The following C5orf63 variants were observed in gnomAD, a reference collection of about 807,000 sequenced individuals.
The protein encoded by C5orf63 is glutaredoxin-like protein C5orf63.
Under a neutral mutation model 13.3 loss-of-function variants are expected in C5orf63, and 18 were observed. The observed-to-expected ratio is 1.36, with a 90% CI of 0.94 to 2.01. The LOEUF is 2.01. C5orf63 is among the 30% of genes most tolerant of loss of function. The pLI is 0.00. For synonymous variants in C5orf63, 38 were observed against 44.7 expected (o/e 0.85, Z 0.60); for missense variants, 118 against 127.7 (o/e 0.92, Z 0.36).
chr5:127,060,703 T>C (rs1754070040), intron 2 of C5orf63, among the ~76,000 whole-genome samples: 1 of 152,246 alleles, frequency 6.6e-6, no homozygotes, highest in African/African-American at 2.4e-5. Flanking sequence ...ATATCATTTC[T>C]TCCTCGTTTT....
intron 2 of C5orf63, among the ~76,000 whole-genome samples, chr5:127,066,906 T>C (rs1754353914): frequency 6.6e-6 from 1 of 152,156 alleles, no homozygotes; most frequent in Admixed American, 6.5e-5. Flanking sequence ...AAGTGTGTCA[T>C]CACAGAAGTC....
chr5:127,043,667 CAT>C (rs1753455887), downstream of C5orf63: 1 of 152,188 alleles, frequency 6.6e-6, no homozygotes. Flanking sequence ...AATCCTAAAA[CAT>C]AGCTCTTCTG....
chr5:127,055,651 T>C (rs956248479), intron 3 of C5orf63, among the ~76,000 whole-genome samples: 7 of 152,176 alleles, frequency 4.6e-5, no homozygotes, highest in Admixed American at 3.9e-4. Flanking sequence ...ACATAGATTA[T>C]GGATAGTTTG....
At chr5:127,061,192 C>T (rs1370426401) in intron 2 of C5orf63, among the ~76,000 whole-genome samples, 1 of 152,158 alleles carries the variant, frequency 6.6e-6, no homozygotes. Context: ...TCCTTCACCA[C>T]CACCTCAAAT....
chr5:127,045,226 C>T (rs188232016), downstream of C5orf63: 1 of 152,288 alleles, frequency 6.6e-6, no homozygotes, highest in African/African-American at 2.4e-5. Flanking sequence ...CTTAAAACAA[C>T]ACAAATTTAT....
downstream of C5orf63, chr5:127,047,608 G>T: frequency 1.5e-6 from 1 of 656,680 alleles, no homozygotes; most frequent in Non-Finnish European, 2.8e-6. Flanking sequence ...CTAAATATGG[G>T]ATACCTTCAG....
downstream of C5orf63, among the ~76,000 whole-genome samples, chr5:127,050,237 C>T (rs1288009126): frequency 1.3e-5 from 2 of 152,134 alleles, no homozygotes; most frequent in Non-Finnish European, 2.9e-5. Context: ...CTGGGGTTAT[C>T]CTAGAATTCT....
At chr5:127,072,008 C>G (rs1385074625) in intron 1 of C5orf63, 1 of 152,210 alleles carries the variant, frequency 6.6e-6, no homozygotes, top group Non-Finnish European at 1.5e-5. Context: ...TGCCAACAGT[C>G]CATCTAAATA....
In C5orf63 at chr5:127,055,268, T is replaced by C. The variant is rs1561489203; in HGVS notation, c.115-2599A>G. Among the ~76,000 whole-genome samples the C allele has an allele frequency of 1.3e-5, 2 of 152,258 alleles. 1 individual carries two copies. Among genetic ancestry groups the C allele is most frequent in the Admixed American group, 1.3e-4 (2 of 15,292 alleles). On this transcript the variant is annotated intron_variant, in intron 3 of 4. Transcript: ENST00000296662. ...TTGGAAAAAACTACGTTAAAGTTCATATGGAACCAAAAAAGAGCCCGCATT... is the reference window on the plus strand; with the variant it reads ...TTGGAAAAAACTACGTTAAAGTTCACATGGAACCAAAAAAGAGCCCGCATT...
intron 2 of C5orf63, among the ~76,000 whole-genome samples, chr5:127,066,956 T>A (rs1312934061): frequency 6.6e-6 from 1 of 152,180 alleles, no homozygotes; most frequent in Non-Finnish European, 1.5e-5. Flanking sequence ...TTGTCCATTG[T>A]CAAGGAGACT....
Position 127,054,541 on chromosome 5 carries a change from A to G in C5orf63, c.115-1872T>C, listed in dbSNP as rs184298162. Among the ~76,000 whole-genome samples, 63 of 152,260 alleles carry G rather than the reference A, an allele frequency of 4.1e-4. 1 individual carries two copies. Among genetic ancestry groups the G allele is most frequent in the Admixed American group, 1.2e-3 (19 of 15,288 alleles). ...TGGCTGCATAAATGTCTTCTTTTGA[A>G]AAGTGTCTGTCCATATCCTTTGCCC... is the stretch of plus-strand genomic sequence containing the variant. On this transcript the variant is annotated intron_variant, in intron 3 of 4. Coordinates refer to ENST00000296662, the MANE Select transcript of C5orf63 (RefSeq NM_001164478.2).
chr5:127,070,048 A>C (rs1754478619), intron 2 of C5orf63, among the ~76,000 whole-genome samples: 1 of 152,178 alleles, frequency 6.6e-6, no homozygotes, highest in Admixed American at 6.5e-5. Context: ...TAATCCTCAG[A>C]GTATACCAAT....
chr5:127,070,374 T>C (rs1417050702), intron 2 of C5orf63, among the ~76,000 whole-genome samples: 1 of 152,222 alleles, frequency 6.6e-6, no homozygotes, highest in African/African-American at 2.4e-5. Flanking sequence ...CATTATTTCA[T>C]GATTAACATG....
intron 2 of C5orf63, among the ~76,000 whole-genome samples, chr5:127,063,732 T>A (rs1217129789): frequency 6.6e-6 from 1 of 152,238 alleles, no homozygotes; most frequent in Non-Finnish European, 1.5e-5. Flanking sequence ...AACTAAATAC[T>A]ATTACTGTAG....
At chr5:127,065,717 GTT>G (rs1212781544) in intron 2 of C5orf63, among the ~76,000 whole-genome samples, 1 of 152,170 alleles carries the variant, frequency 6.6e-6, no homozygotes, top group Admixed American at 6.5e-5. Context: ...TAAAATCAGT[GTT>G]TTGAAAGATT....
At chr5:127,069,706 T>C (rs1033858292) in intron 2 of C5orf63, among the ~76,000 whole-genome samples, 6 of 152,180 alleles carry the variant, frequency 3.9e-5, no homozygotes, top group African/African-American at 1.2e-4. Context: ...AGCCATCCAC[T>C]CTTGCTTGAC....
Position 127,058,945 on chromosome 5 carries a change from T to G in C5orf63, c.51A>C (p.Gly17=). Residue 17 remains glycine, a synonymous_variant, in exon 3 of 5, where the codon GGA becomes GGC. Coordinates refer to ENST00000296662, the MANE Select transcript of C5orf63 (RefSeq NM_001164478.2). The part of the protein sequence containing the change: ...NSMQLARSSF[G]LFLRNCSASK... Reference sequence around the variant, plus strand: ...AGGCAGAGCAATTTCTCAAGAAGAGTCCAAAGGAGGATCTGGCAAGTTGCA... The same window carrying G: ...AGGCAGAGCAATTTCTCAAGAAGAGGCCAAAGGAGGATCTGGCAAGTTGCA... The G allele has an allele frequency of 6.5e-7, 1 of 1,537,060 alleles. No individual in the cohort carries two copies. Among genetic ancestry groups the G allele is most frequent in the Non-Finnish European group, 8.7e-7 (1 of 1,146,782 alleles).
At chr5:127,047,453 C>A, downstream of C5orf63, 1 of 445,922 alleles carries the variant, frequency 2.2e-6, no homozygotes, top group Non-Finnish European at 4.0e-6. Context: ...TTTCATTTTG[C>A]CAGCTGTTGG....
At chr5:127,070,256 T>C (rs1219754651) in intron 2 of C5orf63, among the ~76,000 whole-genome samples, 3 of 152,302 alleles carry the variant, frequency 2.0e-5, no homozygotes, top group Non-Finnish European at 4.4e-5. Flanking sequence ...AATAGAATCA[T>C]TTTTCTTCAC....
Sources: gnomAD v4.1 joint callset for allele counts (sites outside exome capture counted in the v4.1 genomes callset) on GRCh38, gnomAD v4.1.1 for gene constraint, MANE v1.5 for transcripts, NCBI Gene and HGNC (gene_info 2026-07-23, HGNC 2026-07-21) for gene names.